Variants in LARP4B observed in about 807,000 individuals in gnomAD.
LARP4B encodes the protein La ribonucleoprotein 4B.
LARP4B carries 12 observed loss-of-function variants against 89.8 expected under a neutral mutation model. The ratio of observed to expected loss-of-function variants is 0.13; its 90% CI spans 0.09 to 0.22. LARP4B has a LOEUF of 0.22. Among genes scored for constraint, LARP4B ranks in the 10% least tolerant of loss-of-function variants. LARP4B has a pLI of 1.00. For missense variants in LARP4B, 757 were observed against 947.7 expected (o/e 0.80, Z 2.64); for synonymous variants, 367 against 363.3 (o/e 1.01, Z -0.12).
chr10:865,507 G>A (rs1296098899), intron 3 of LARP4B, among the ~76,000 whole-genome samples: 1 of 152,082 alleles, frequency 6.6e-6, no homozygotes, highest in Admixed American at 6.5e-5. Context: ...CAGGCACACT[G>A]ACCTCCTTGC....
At position 829,526 on chromosome 10, in the gene LARP4B, G is replaced by A. The variant is rs774589585; in HGVS notation, c.984C>T (p.Asp328=). The change falls in exon 11 of 18, where the codon GAC becomes GAT. Residue 328 remains aspartate, a synonymous_variant. Transcript: ENST00000316157. ...FLPKNGFRPL[D]VSLYAQQRYA... ...AGCGCTGCTGGGCATACAGGCTCAC[G>A]TCCAGGGGTCTAAATCCATTCTTTG... 6.2e-7 allele frequency: 1 copy of A among 1,614,180 alleles called. No individual in the cohort carries two copies. Among genetic ancestry groups the A allele is most frequent in the South Asian group, 1.1e-5 (1 of 91,082 alleles).
the LARP4B span, among the ~76,000 whole-genome samples, chr10:937,258 G>T: frequency 6.6e-6 from 1 of 152,092 alleles, no homozygotes; most frequent in Non-Finnish European, 1.5e-5. Flanking sequence ...GCTCAGGCTG[G>T]TCTCGAACTC....
intron 3 of LARP4B, chr10:873,041 C>T (rs1472510366): frequency 1.0e-6 from 1 of 985,258 alleles, no homozygotes; most frequent in Non-Finnish European, 1.2e-6. Flanking sequence ...CAAAGTTTTA[C>T]TTATCTTGTT....
intron 6 of LARP4B, 45 bp from the exon 7 acceptor site, chr10:843,113 G>T: frequency 1.9e-6 from 3 of 1,575,904 alleles, no homozygotes; most frequent in Admixed American, 3.4e-5. Context: ...TTCTTTAAAA[G>T]GAAGTTTCAC....
intron 3 of LARP4B, among the ~76,000 whole-genome samples, chr10:876,961 C>T (rs1160800053): frequency 6.6e-6 from 1 of 152,156 alleles, no homozygotes; most frequent in East Asian, 1.9e-4. Flanking sequence ...ATGACTTGTA[C>T]CTTCTGGAGC....
chr10:986,375 G>A, the LARP4B span: 1 of 152,218 alleles, frequency 6.6e-6, no homozygotes, highest in Non-Finnish European at 1.5e-5. Context: ...TCGTACTGCA[G>A]GCAGCATTTG....
At position 844,998 on chromosome 10, in the gene LARP4B, GT is replaced by G; in HGVS notation, c.487del (p.Thr163HisfsTer47). The stretch of plus-strand genomic sequence containing the variant: ...TTACCTAGATAAGCAGAATTCCAAT[GT>G]TTTTTTAAGTACTTCTCGGGGGTCT... ...QEDPREVLKKTLEFCLSRENL... is the reference protein window; with the variant it reads ...QEDPREVLKKXLEFCLSRENL... On this transcript the variant is annotated frameshift_variant, in exon 6 of 18. Transcript: ENST00000316157. LOFTEE classifies it high-confidence loss of function. 1 of 1,611,456 alleles carries G rather than the reference GT, an allele frequency of 6.2e-7. No individual in the cohort carries two copies. The highest frequency in any genetic ancestry group is 1.7e-5 in the Admixed American group (1 of 59,478).
intron 8 of LARP4B, among the ~76,000 whole-genome samples, chr10:834,829 A>C (rs76452130): frequency 6.6e-6 from 1 of 152,178 alleles, no homozygotes; most frequent in Non-Finnish European, 1.5e-5. Flanking sequence ...TTGAGTTAAT[A>C]CAGATGTCCA....
At chr10:873,153 G>T (rs1835309415) in intron 3 of LARP4B, 3 of 985,310 alleles carry the variant, frequency 3.0e-6, no homozygotes, top group African/African-American at 1.7e-5. Flanking sequence ...ATGTTTGAGA[G>T]CTCACAAGCA....
intron 7 of LARP4B, 91 bp downstream of exon 7, chr10:842,841 A>T: frequency 8.4e-7 from 1 of 1,196,502 alleles, no homozygotes; most frequent in Non-Finnish European, 1.2e-6. Flanking sequence ...CAAGGACCTT[A>T]ACGTTTGATG....
At chr10:842,618 T>C (rs1420471057) in intron 7 of LARP4B, among the ~76,000 whole-genome samples, 2 of 152,280 alleles carry the variant, frequency 1.3e-5, no homozygotes, top group South Asian at 4.1e-4. Flanking sequence ...ACTTTAACTA[T>C]AAATGTTATT....
chr10:976,274 G>A, the LARP4B span, among the ~76,000 whole-genome samples: 5 of 144,844 alleles, frequency 3.5e-5, no homozygotes, highest in African/African-American at 1.0e-4. Flanking sequence ...AGCCTGTCAC[G>A]TAACGTGTGG....
chr10:929,688 A>G (rs1837246587), intron 1 of LARP4B, among the ~76,000 whole-genome samples: 1 of 152,200 alleles, frequency 6.6e-6, no homozygotes, highest in African/African-American at 2.4e-5. Flanking sequence ...AGAAAATGAG[A>G]TTATCATCAT....
intron 8 of LARP4B, among the ~76,000 whole-genome samples, chr10:833,085 G>A (rs1832991734): frequency 6.6e-6 from 1 of 151,804 alleles, no homozygotes; most frequent in Non-Finnish European, 1.5e-5. Context: ...AAAGAGGCAT[G>A]GTGCTCTGTG....
chr10:924,632 T>C (rs528680549), intron 1 of LARP4B, among the ~76,000 whole-genome samples: 1 of 152,356 alleles, frequency 6.6e-6, no homozygotes, highest in African/African-American at 2.4e-5. Context: ...CAAAGCACTC[T>C]GCACCTTTCC....
At chr10:846,146 G>C (rs922987021) in intron 5 of LARP4B, among the ~76,000 whole-genome samples, 1 of 152,132 alleles carries the variant, frequency 6.6e-6, no homozygotes, top group African/African-American at 2.4e-5. Flanking sequence ...GTGTCTCCGG[G>C]TCACTCATCT....
chr10:933,517 C>A (rs534648705), upstream of LARP4B, among the ~76,000 whole-genome samples: 772 of 152,188 alleles, frequency 5.1e-3, 12 homozygotes, highest in Non-Finnish European at 3.3e-3. Context: ...AGGTTGGGTG[C>A]CTTCTTTGTG....
At chr10:847,114 C>T (rs1470496163) in intron 5 of LARP4B, among the ~76,000 whole-genome samples, 1 of 152,020 alleles carries the variant, frequency 6.6e-6, no homozygotes, top group Non-Finnish European at 1.5e-5. Flanking sequence ...GGACTGCACT[C>T]AAGAGGGAAT....
chr10:888,865 T>C (rs1475442360), intron 1 of LARP4B, among the ~76,000 whole-genome samples: 2 of 152,164 alleles, frequency 1.3e-5, no homozygotes, highest in Admixed American at 6.5e-5. Context: ...GCAAGCAGAA[T>C]GCTTGAGCCC....
Sources: allele counts gnomAD v4.1 joint callset (sites outside exome capture counted in the v4.1 genomes callset), GRCh38; gene constraint gnomAD v4.1.1; transcripts MANE v1.5; gene names NCBI Gene and HGNC (gene_info 2026-07-23, HGNC 2026-07-21).